NAA35: variants seen among roughly 807,000 people sequenced by gnomAD.
The protein encoded by NAA35 is N-alpha-acetyltransferase 35, NatC auxiliary subunit, also known as MAK10 homolog, amino-acid N-acetyltransferase subunit.
NAA35 carries 18 observed loss-of-function variants against 101.7 expected under a neutral mutation model. That is an observed-to-expected ratio of 0.18 (90% CI 0.12 to 0.26). The LOEUF is 0.26. NAA35 is among the 10% of genes least tolerant of loss of function. NAA35 has a pLI of 1.00. For synonymous variants in NAA35, 267 were observed against 273.1 expected (o/e 0.98, Z 0.22); for missense variants, 601 against 886.8 (o/e 0.68, Z 4.09).
intron 21 of NAA35, among the ~76,000 whole-genome samples, chr9:86,020,245 G>A (rs928221244): frequency 6.6e-6 from 1 of 152,070 alleles, no homozygotes; most frequent in Non-Finnish European, 1.5e-5. Flanking sequence ...TACCATCTAA[G>A]AAAATATAAA....
At chr9:86,010,796 C>G (rs1420734282) in intron 15 of NAA35, among the ~76,000 whole-genome samples, 1 of 150,514 alleles carries the variant, frequency 6.6e-6, no homozygotes, top group Non-Finnish European at 1.5e-5. Context: ...CTAGGATGGT[C>G]TCGATCTCCT....
intron 6 of NAA35, among the ~76,000 whole-genome samples, chr9:85,968,305 G>T (rs574145982): frequency 9.9e-5 from 15 of 152,258 alleles, no homozygotes; most frequent in African/African-American, 3.4e-4. Flanking sequence ...CCGCTTCCCG[G>T]GTTCACGCCA....
chr9:85,988,192 A>G (rs188042306), intron 11 of NAA35, among the ~76,000 whole-genome samples: 1 of 152,346 alleles, frequency 6.6e-6, no homozygotes, highest in East Asian at 1.9e-4. Context: ...TGGTTCAAGA[A>G]GCACTCCTTC....
intron 2 of NAA35, among the ~76,000 whole-genome samples, chr9:85,953,828 T>C (rs1408992299): frequency 6.6e-6 from 1 of 152,256 alleles, no homozygotes; most frequent in Non-Finnish European, 1.5e-5. Context: ...CATAATGTCC[T>C]CAAGGTTAAT....
At position 85,969,726 on chromosome 9, in the gene NAA35, G is replaced by A. The variant is rs553598554; in HGVS notation, c.517-5241G>A. Among the ~76,000 whole-genome samples the A allele has an allele frequency of 4.6e-5, 7 of 152,204 alleles. No individual in the cohort carries two copies. The South Asian group carries it at 1.5e-3, about 32-fold the overall frequency. On this transcript the variant is annotated intron_variant, in intron 6 of 22. Transcript: ENST00000361671. ...AATAAAAAATTTAGCCAGGCATGGT[G>A]ATGTGGTACACCTCTGTAGTCCCAG...
intron 15 of NAA35, among the ~76,000 whole-genome samples, chr9:86,011,605 C>T (rs1307537101): frequency 1.3e-5 from 2 of 151,380 alleles, no homozygotes; most frequent in South Asian, 2.1e-4. Flanking sequence ...GTGATCCGCC[C>T]GTCTTGGCCT....
Position 86,022,469 on chromosome 9 carries a change from T to G in NAA35, c.*509T>G, listed in dbSNP as rs1832609129. Among the ~76,000 whole-genome samples, 1 of 151,838 alleles carries G rather than the reference T, an allele frequency of 6.6e-6. No homozygotes were observed. Among genetic ancestry groups the G allele is most frequent in the Admixed American group, 6.6e-5 (1 of 15,248 alleles). On this transcript the variant is annotated 3_prime_UTR_variant, in exon 23 of 23. Transcript: ENST00000361671. ...TTTGGTAAAATACATTTAGAAGGGA[T>G]TTTTGGGAGGGCCTCTAAATTACAT... is the stretch of plus-strand genomic sequence containing the variant.
intron 1 of NAA35, 74 bp from the exon 2 acceptor site, chr9:85,942,081 C>G: frequency 1.3e-6 from 2 of 1,557,156 alleles, no homozygotes; most frequent in South Asian, 1.2e-5. Flanking sequence ...TATGCTGAAA[C>G]AAACACCCAT....
At position 86,022,969 on chromosome 9, in the gene NAA35, T is replaced by G. The variant is rs1832632892; in HGVS notation, c.*1009T>G. On this transcript the variant is annotated 3_prime_UTR_variant, in exon 23 of 23. Transcript: ENST00000361671. ...CTTTGGTGGCTTAGCCTAAGACTAG[T>G]GACAGTTTTATATTTGGTCTGTGGT... Among the ~76,000 whole-genome samples the G allele has an allele frequency of 6.6e-6, 1 of 152,186 alleles. No individual in the cohort carries two copies. The highest frequency in any genetic ancestry group is 1.5e-5 in the Non-Finnish European group (1 of 68,018).
At chr9:85,941,827 C>G (rs1828531821) in intron 1 of NAA35, 1 of 1,035,576 alleles carries the variant, frequency 9.7e-7, no homozygotes. Context: ...TCTTTTGTGG[C>G]TATTATTGAA....
chr9:85,957,508 TATTC>T (rs1396359558), intron 3 of NAA35, among the ~76,000 whole-genome samples: 1 of 152,156 alleles, frequency 6.6e-6, no homozygotes, highest in Non-Finnish European at 1.5e-5. Flanking sequence ...GGCATTAATC[TATTC>T]ATGGGGATTC....
intron 11 of NAA35, among the ~76,000 whole-genome samples, chr9:85,978,730 G>A (rs1759792180): frequency 6.6e-6 from 1 of 152,280 alleles, no homozygotes; most frequent in African/African-American, 2.4e-5. Flanking sequence ...CCAAGTGGAA[G>A]GATGACAGCT....
chr9:85,983,946 A>G (rs1830541225), intron 11 of NAA35, among the ~76,000 whole-genome samples: 1 of 152,040 alleles, frequency 6.6e-6, no homozygotes, highest in Non-Finnish European at 1.5e-5. Flanking sequence ...TCTACTATCT[A>G]ATAAAGGTAA....
At chr9:85,986,591 CTT>C (rs980393569) in intron 11 of NAA35, 13 of 260,310 alleles carry the variant, frequency 5.0e-5, no homozygotes, top group Admixed American at 4.4e-4. Flanking sequence ...GGTGTCCAAT[CTT>C]TTTTTTTTGA....
chr9:85,959,689 T>A, intron 4 of NAA35, 104 bp from the exon 5 acceptor site: 2 of 694,440 alleles, frequency 2.9e-6, no homozygotes, highest in Non-Finnish European at 2.4e-6. Context: ...TTAGAATTGC[T>A]GTTTTTAAAT....
intron 2 of NAA35, among the ~76,000 whole-genome samples, chr9:85,955,686 G>A (rs1373041550): frequency 1.3e-5 from 2 of 152,036 alleles, no homozygotes; most frequent in Non-Finnish European, 2.9e-5. Flanking sequence ...AATCTACTTA[G>A]CATGTTATAG....
chr9:85,957,988 C>T lies in NAA35; in HGVS notation c.159-484C>T, dbSNP rs189820022. On this transcript the variant is annotated intron_variant, in intron 3 of 22. Transcript: ENST00000361671. ...GGGAGTTTCACTCTTGTTGCCCAGG[C>T]TGGAGTGCAACAGTGCAATCTCAGC... Among the ~76,000 whole-genome samples, 190 of 151,480 alleles carry T rather than the reference C, an allele frequency of 1.3e-3. 4 individuals carry two copies. The South Asian group carries it at 0.033, about 27-fold the overall frequency.
rs1044523423 is a variant in NAA35 at position 86,024,546 on chromosome 9, T to G, written c.*2586T>G. Among the ~76,000 whole-genome samples, 1 of 152,164 alleles carries G rather than the reference T, an allele frequency of 6.6e-6. No homozygotes were observed. The highest frequency in any genetic ancestry group is 2.4e-5 in the African/African-American group (1 of 41,434). ...GTCACGTGAGAGAAAATGTTGGTCTTAACAAAGGTAGTGGCAGAGCAGGTG... is the reference window on the plus strand; with the variant it reads ...GTCACGTGAGAGAAAATGTTGGTCTGAACAAAGGTAGTGGCAGAGCAGGTG... On this transcript the variant is annotated 3_prime_UTR_variant, in exon 23 of 23. Transcript: ENST00000361671.
intron 5 of NAA35, among the ~76,000 whole-genome samples, chr9:85,961,514 A>G (rs1201632016): frequency 1.3e-5 from 2 of 152,244 alleles, no homozygotes; most frequent in African/African-American, 4.8e-5. Flanking sequence ...GTAAAATAGT[A>G]TAAAACAATT....
Sources: gnomAD v4.1 joint callset for allele counts (sites outside exome capture counted in the v4.1 genomes callset) on GRCh38, gnomAD v4.1.1 for gene constraint, MANE v1.5 for transcripts, NCBI Gene and HGNC (gene_info 2026-07-23, HGNC 2026-07-21) for gene names.